Variants in DMD observed in about 807,000 individuals in gnomAD.
DMD encodes the protein mutant dystrophin.
In DMD, 63 loss-of-function variants were observed where a neutral mutation model predicts 330.1. That is an observed-to-expected ratio of 0.19 (90% CI 0.16 to 0.24). The LOEUF (loss-of-function observed/expected upper bound fraction) is 0.24, where lower values mean the gene tolerates loss of function less well. DMD is among the 10% of genes least tolerant of loss of function. The pLI is 1.00. For synonymous variants in DMD, 1,223 were observed against 959.8 expected (o/e 1.27, Z -5.07); for missense variants, 3,344 against 2,684.1 (o/e 1.25, Z -5.43).
At chrX:31,491,462 G>A (rs973666510) in intron 57 of DMD, among the ~76,000 whole-genome samples, 10 of 112,382 alleles carry the variant, frequency 8.9e-5, no homozygotes, top group African/African-American at 2.9e-4. Context: ...GTCTAGTGAG[G>A]CAAGTAATGA....
intron 55 of DMD, among the ~76,000 whole-genome samples, chrX:31,569,887 C>A (rs1219789473): frequency 6.4e-5 from 7 of 109,724 alleles, no homozygotes; most frequent in Admixed American, 2.9e-4. Context: ...ACAAAAGGTA[C>A]CTATGTATCT....
At chrX:31,449,547 T>C (rs769284260) in intron 59 of DMD, among the ~76,000 whole-genome samples, 1 of 108,474 alleles carries the variant, frequency 9.2e-6, no homozygotes, top group Non-Finnish European at 1.9e-5. Flanking sequence ...TGAAAAAATA[T>C]ACTGTGGAAT....
intron 11 of DMD, among the ~76,000 whole-genome samples, chrX:32,639,268 C>G (rs1340533853): frequency 9.0e-6 from 1 of 111,468 alleles, no homozygotes; most frequent in Non-Finnish European, 1.9e-5. Flanking sequence ...AGAAGAAAAT[C>G]TTCTGTTTTC....
chrX:33,104,452 T>C (rs963250789), intron 1 of DMD, among the ~76,000 whole-genome samples: 3 of 110,830 alleles, frequency 2.7e-5, no homozygotes, highest in Non-Finnish European at 3.8e-5. Flanking sequence ...GATGACATTG[T>C]CTTGTGAAAT....
intron 63 of DMD, among the ~76,000 whole-genome samples, chrX:31,244,334 A>G (rs1480459072): frequency 8.9e-6 from 1 of 112,223 alleles, no homozygotes. Context: ...TATTTTTCAT[A>G]GGATAAATGT....
At chrX:33,118,390 G>A (rs1259292249) in intron 1 of DMD, among the ~76,000 whole-genome samples, 3 of 111,381 alleles carry the variant, frequency 2.7e-5, no homozygotes, top group Non-Finnish European at 5.7e-5. Flanking sequence ...GATTACAGGC[G>A]TGAGCCACCG....
chrX:33,331,980 A>G (rs2054185774), intron 1 of DMD, among the ~76,000 whole-genome samples: 1 of 111,663 alleles, frequency 9.0e-6, no homozygotes. Context: ...TTATATTGCA[A>G]TTAGTATCTA....
At chrX:31,916,229 A>G (rs924241712) in intron 47 of DMD, among the ~76,000 whole-genome samples, 6 of 112,163 alleles carry the variant, frequency 5.3e-5, no homozygotes, top group African/African-American at 1.9e-4. Flanking sequence ...CCAGAACAAC[A>G]CAACAGCTCA....
chrX:32,831,782 A>G (rs955123057), intron 4 of DMD, among the ~76,000 whole-genome samples: 4 of 109,553 alleles, frequency 3.7e-5, no homozygotes, highest in African/African-American at 1.0e-4. Flanking sequence ...ATACAATTTT[A>G]TTTTTGTTAG....
chrX:31,179,870 C>A (rs1337676476), intron 69 of DMD, among the ~76,000 whole-genome samples: 1 of 112,087 alleles, frequency 8.9e-6, no homozygotes, highest in African/African-American at 3.2e-5. Flanking sequence ...TTATTTTACA[C>A]AGGGTAGTTT....
intron 34 of DMD, among the ~76,000 whole-genome samples, chrX:32,368,033 C>T (rs2097860396): frequency 9.0e-6 from 1 of 111,427 alleles, no homozygotes; most frequent in Non-Finnish European, 1.9e-5. Flanking sequence ...TTTAGTAGGC[C>T]TTAAATTTTT....
At chrX:31,317,383 T>A (rs1363296052) in intron 62 of DMD, among the ~76,000 whole-genome samples, 3 of 111,719 alleles carry the variant, frequency 2.7e-5, no homozygotes, top group Non-Finnish European at 3.8e-5. Context: ...CACAAAATTA[T>A]ATACTACATG....
At chrX:33,283,972 C>G (rs185452853) in intron 1 of DMD, among the ~76,000 whole-genome samples, 1 of 110,619 alleles carries the variant, frequency 9.0e-6, no homozygotes, top group African/African-American at 3.3e-5. Context: ...GAGCCAAGAT[C>G]GCGCCACTGC....
intron 1 of DMD, among the ~76,000 whole-genome samples, chrX:33,264,511 A>T (rs1182588634): frequency 9.0e-6 from 1 of 110,896 alleles, no homozygotes; most frequent in Non-Finnish European, 1.9e-5. Flanking sequence ...ATTTAAGATT[A>T]CACATGTTGT....
intron 1 of DMD, among the ~76,000 whole-genome samples, chrX:33,104,635 A>C (rs892487388): frequency 1.8e-5 from 2 of 110,465 alleles, no homozygotes; most frequent in Non-Finnish European, 3.8e-5. Context: ...GCCCACCTGC[A>C]CCCAGGTGAA....
intron 29 of DMD, among the ~76,000 whole-genome samples, chrX:32,427,827 C>T (rs1391691138): frequency 9.0e-6 from 1 of 110,890 alleles, no homozygotes; most frequent in Non-Finnish European, 1.9e-5. Context: ...CTTTCTATAT[C>T]CCCTTCCATC....
At chrX:32,208,296 T>C (rs1421155971) in intron 44 of DMD, among the ~76,000 whole-genome samples, 2 of 112,019 alleles carry the variant, frequency 1.8e-5, no homozygotes, top group African/African-American at 3.2e-5. Context: ...TAATTGTTTT[T>C]CCCTTGTCAA....
At chrX:33,013,377 G>A (rs1281361222) in intron 2 of DMD, among the ~76,000 whole-genome samples, 1 of 111,425 alleles carries the variant, frequency 9.0e-6, no homozygotes, top group African/African-American at 3.3e-5. Flanking sequence ...TAAGTTTCCT[G>A]TATCAATATT....
intron 57 of DMD, among the ~76,000 whole-genome samples, chrX:31,495,800 C>G (rs1226349634): frequency 9.0e-6 from 1 of 111,337 alleles, no homozygotes; most frequent in Non-Finnish European, 1.9e-5. Flanking sequence ...AAACATCACA[C>G]AAAAAGAGAA....
Sources: gnomAD v4.1 joint callset for allele counts (sites outside exome capture counted in the v4.1 genomes callset) on GRCh38, gnomAD v4.1.1 for gene constraint, MANE v1.5 for transcripts, NCBI Gene and HGNC (gene_info 2026-07-23, HGNC 2026-07-21) for gene names.